Variants in PLXDC2 observed in about 807,000 individuals in gnomAD.
PLXDC2 encodes plexin domain containing 2, also known as plexin domain-containing protein 2.
Under a neutral mutation model 68.9 loss-of-function variants are expected in PLXDC2, and 40 were observed. The observed-to-expected ratio is 0.58, with a 90% CI of 0.45 to 0.76. The LOEUF is 0.76. Among genes scored for constraint, PLXDC2 ranks in the 30% least tolerant of loss-of-function variants. The pLI is 0.00. For missense variants in PLXDC2, 644 were observed against 661.9 expected (o/e 0.97, Z 0.30); for synonymous variants, 243 against 234.2 (o/e 1.04, Z -0.34).
At chr10:20,260,324 G>C (rs1241603881) in intron 13 of PLXDC2, among the ~76,000 whole-genome samples, 1 of 152,166 alleles carries the variant, frequency 6.6e-6, no homozygotes, top group East Asian at 1.9e-4. Context: ...CTGCAAGTTT[G>C]TACCTTTGGG....
chr10:19,829,532 G>A (rs1836645780), intron 1 of PLXDC2, among the ~76,000 whole-genome samples: 1 of 152,058 alleles, frequency 6.6e-6, no homozygotes, highest in Non-Finnish European at 1.5e-5. Context: ...GGGGGCTCAT[G>A]CCTATAATCT....
At chr10:20,233,816 T>G (rs1835395998) in intron 12 of PLXDC2, among the ~76,000 whole-genome samples, 1 of 152,004 alleles carries the variant, frequency 6.6e-6, no homozygotes, top group Non-Finnish European at 1.5e-5. Context: ...CATAGAGTTA[T>G]TTTTATTTAT....
intron 4 of PLXDC2, among the ~76,000 whole-genome samples, chr10:20,138,599 A>G (rs1280427821): frequency 1.3e-5 from 2 of 152,226 alleles, no homozygotes; most frequent in African/African-American, 4.8e-5. Context: ...TTTTAAAGTT[A>G]GTGCAAGAAT....
At chr10:20,246,595 C>G (rs1673288238) in intron 13 of PLXDC2, among the ~76,000 whole-genome samples, 1 of 152,202 alleles carries the variant, frequency 6.6e-6, no homozygotes, top group Admixed American at 6.5e-5. Context: ...AGTGATCCTC[C>G]CGCCTTGGCC....
At chr10:20,179,204 G>T (rs1834568872) in intron 9 of PLXDC2, among the ~76,000 whole-genome samples, 1 of 152,096 alleles carries the variant, frequency 6.6e-6, no homozygotes, top group African/African-American at 2.4e-5. Context: ...TGCATGAGGT[G>T]CCTATCAGCT....
intron 2 of PLXDC2, among the ~76,000 whole-genome samples, chr10:20,027,715 A>T (rs888463884): frequency 9.2e-5 from 14 of 152,078 alleles, no homozygotes; most frequent in Non-Finnish European, 1.6e-4. Context: ...ACCCCATAAA[A>T]TTCTACATCA....
chr10:20,236,843 C>T (rs928405218), intron 12 of PLXDC2, among the ~76,000 whole-genome samples: 19 of 152,054 alleles, frequency 1.2e-4, no homozygotes, highest in Admixed American at 9.8e-4. Context: ...CTAAAAGCAC[C>T]GATCATTGAA....
At chr10:20,160,488 A>G (rs866263681) in intron 6 of PLXDC2, among the ~76,000 whole-genome samples, 1 of 152,306 alleles carries the variant, frequency 6.6e-6, no homozygotes, top group Middle Eastern at 3.4e-3. Flanking sequence ...GAAGCTTGGA[A>G]AAGTCAAAAT....
At chr10:19,949,716 G>A (rs532476082) in intron 1 of PLXDC2, among the ~76,000 whole-genome samples, 1 of 152,246 alleles carries the variant, frequency 6.6e-6, no homozygotes, top group East Asian at 1.9e-4. Context: ...TGTACACTGG[G>A]ACTAGAAAAT....
At chr10:19,865,683 T>G in intron 1 of PLXDC2, among the ~76,000 whole-genome samples, 1 of 152,228 alleles carries the variant, frequency 6.6e-6, no homozygotes, top group East Asian at 1.9e-4. Flanking sequence ...CTTGATCATC[T>G]TTGGAAGCTT....
intron 3 of PLXDC2, among the ~76,000 whole-genome samples, chr10:20,057,612 T>G (rs1325052544): frequency 6.6e-6 from 1 of 152,068 alleles, no homozygotes; most frequent in Non-Finnish European, 1.5e-5. Flanking sequence ...CTGGAGGTGC[T>G]CTGTTAAAAT....
rs143393743 is a variant in PLXDC2 at position 19,930,582 on chromosome 10, A to C, written c.113-71193A>C. On this transcript the variant is annotated intron_variant, in intron 1 of 13. Coordinates refer to ENST00000377252, the MANE Select transcript of PLXDC2 (RefSeq NM_032812.9). ...CTTGCTCTGTGATAAACAGAAGGGT[A>C]TACTGATTTTGGAAAATATGTCAGC... is the stretch of plus-strand genomic sequence containing the variant. Among the ~76,000 whole-genome samples, 179 of 152,326 alleles carry C rather than the reference A, an allele frequency of 1.2e-3. 1 individual carries two copies. The highest frequency in any genetic ancestry group is 3.1e-3 in the African/African-American group (130 of 41,568).
chr10:20,052,322 C>T (rs1188731139), intron 3 of PLXDC2, among the ~76,000 whole-genome samples: 1 of 152,016 alleles, frequency 6.6e-6, no homozygotes, highest in African/African-American at 2.4e-5. Flanking sequence ...GGACTTTCTA[C>T]CTTTCCAATC....
At chr10:19,945,511 C>G (rs1052589914) in intron 1 of PLXDC2, among the ~76,000 whole-genome samples, 3 of 152,186 alleles carry the variant, frequency 2.0e-5, no homozygotes, top group Non-Finnish European at 4.4e-5. Flanking sequence ...GGCCTGAATT[C>G]AGTTCTCTTG....
chr10:20,088,591 G>A (rs940778867), intron 4 of PLXDC2, among the ~76,000 whole-genome samples: 3 of 152,096 alleles, frequency 2.0e-5, no homozygotes, highest in African/African-American at 7.2e-5. Flanking sequence ...CCACCCATAG[G>A]AAACTATTCA....
intron 4 of PLXDC2, among the ~76,000 whole-genome samples, chr10:20,143,044 C>A (rs1834027224): frequency 6.6e-6 from 1 of 151,952 alleles, no homozygotes; most frequent in African/African-American, 2.4e-5. Context: ...TGGTCACTTT[C>A]CCCCCAATTA....
At chr10:19,950,408 A>G (rs920234372) in intron 1 of PLXDC2, among the ~76,000 whole-genome samples, 9 of 152,200 alleles carry the variant, frequency 5.9e-5, no homozygotes, top group African/African-American at 2.2e-4. Flanking sequence ...AATCTCACCT[A>G]CAATAGCCAC....
chr10:19,996,968 C>T (rs1834855686), intron 1 of PLXDC2, among the ~76,000 whole-genome samples: 1 of 152,158 alleles, frequency 6.6e-6, no homozygotes, highest in Admixed American at 6.5e-5. Context: ...TCCCACAACA[C>T]ATGGGAATTC....
chr10:20,243,926 G>T (rs528756015), intron 12 of PLXDC2, among the ~76,000 whole-genome samples: 2 of 152,194 alleles, frequency 1.3e-5, no homozygotes, highest in South Asian at 4.1e-4. Context: ...AGGTGTAGTG[G>T]CAAGCGCCTG....
Sources: allele counts gnomAD v4.1 joint callset (sites outside exome capture counted in the v4.1 genomes callset), GRCh38; gene constraint gnomAD v4.1.1; transcripts MANE v1.5; gene names NCBI Gene and HGNC (gene_info 2026-07-23, HGNC 2026-07-21).